Variants in CDC42EP4 observed in about 807,000 individuals in gnomAD.
CDC42EP4 encodes CDC42 effector protein 4.
A neutral mutation model predicts 5.6 loss-of-function variants in CDC42EP4; 6 were observed. That is an observed-to-expected ratio of 1.07 (90% CI 0.59 to 2.12). The LOEUF is 2.12. Ranked by LOEUF, CDC42EP4 falls within the 30% of genes most tolerant of loss-of-function variation. CDC42EP4 has a pLI of 0.00. For synonymous variants in CDC42EP4, 230 were observed against 224.2 expected, an observed-to-expected ratio of 1.03 and a Z score of -0.23; for missense variants, 490 against 508.6, an observed-to-expected ratio of 0.96 and a Z score of 0.35.
chr17:73,286,193 A>G lies in CDC42EP4; in HGVS notation c.308T>C (p.Leu103Pro), dbSNP rs751455735. The G allele has an allele frequency of 3.1e-6, 5 of 1,614,118 alleles. No homozygotes were observed. The highest frequency in any genetic ancestry group is 3.4e-6 in the Non-Finnish European group (4 of 1,180,014). The change falls in exon 2 of 2, where the codon CTG becomes CCG. Residue 103 changes from leucine (L) to proline (P), a missense_variant. Physicochemically the swap from Leu to Pro is moderately conservative, Grantham distance 98. Coordinates refer to ENST00000335793, the MANE Select transcript of CDC42EP4 (RefSeq NM_012121.5). The surrounding 1 kb of genome is among the most constrained non-coding windows in gnomAD (Gnocchi z 7.7). ...CAGGGCCGAGTCCCGCAGGGAGCCCAGCATGTCACGCTGCTCCCGCTCCCC... is the reference window on the plus strand; with the variant it reads ...CAGGGCCGAGTCCCGCAGGGAGCCCGGCATGTCACGCTGCTCCCGCTCCCC... ...TRGEREQRDM[L>P]GSLRDSALFV...
intron 1 of CDC42EP4, among the ~76,000 whole-genome samples, chr17:73,292,890 G>A (rs992430466): frequency 3.9e-5 from 6 of 152,198 alleles, no homozygotes; most frequent in Non-Finnish European, 5.9e-5. Context: ...GTTAATTTTT[G>A]AATTTTTTGG....
chr17:73,296,229 C>CAAA (rs10562107), intron 1 of CDC42EP4, among the ~76,000 whole-genome samples: 5 of 138,514 alleles, frequency 3.6e-5, no homozygotes, highest in Non-Finnish European at 6.1e-5. Flanking sequence ...ACTAAAAATA[C>CAAA]AAAAAAAAAA....
intron 1 of CDC42EP4, among the ~76,000 whole-genome samples, chr17:73,289,806 GA>G (rs1365608568): frequency 3.0e-5 from 4 of 134,314 alleles, no homozygotes; most frequent in Non-Finnish European, 6.4e-5. Flanking sequence ...AAGAAAAAAA[GA>G]AAGAGAGAAA....
intron 1 of CDC42EP4, among the ~76,000 whole-genome samples, chr17:73,297,336 T>C (rs1465242331): frequency 7.0e-6 from 1 of 142,784 alleles, no homozygotes; most frequent in Non-Finnish European, 1.5e-5. Flanking sequence ...TAGCCAGGTG[T>C]TGTGGCGCGT....
At chr17:73,293,296 G>A (rs766701007) in intron 1 of CDC42EP4, among the ~76,000 whole-genome samples, 5 of 152,214 alleles carry the variant, frequency 3.3e-5, no homozygotes, top group Admixed American at 6.5e-5. Flanking sequence ...TCAGTCAGGA[G>A]GCTGTTGCAG....
chr17:73,286,714 C>T lies in CDC42EP4; in HGVS notation c.-112-102G>A, dbSNP rs1382258272. On this transcript the variant is annotated intron_variant, in intron 1 of 1. Coordinates refer to ENST00000335793, the MANE Select transcript of CDC42EP4 (RefSeq NM_012121.5). The surrounding 1 kb of genome is among the most constrained non-coding windows in gnomAD (Gnocchi z 7.7). ...GTCATTTAAACCCCAGCGCTCCTAC[C>T]AAAGTTAAATGCTGTGAAATAAGCC... is the stretch of plus-strand genomic sequence containing the variant. The T allele has an allele frequency of 8.9e-6, 5 of 564,762 alleles. No homozygotes were observed. Among genetic ancestry groups the T allele is most frequent in the Non-Finnish European group, 1.6e-5 (5 of 318,422 alleles). 35.0% of individuals were successfully genotyped at this position (564,762 alleles called of 1,614,324 possible).
At position 73,286,726 on chromosome 17, in the gene CDC42EP4, C is replaced by A; in HGVS notation, c.-112-114G>T. The A allele has an allele frequency of 1.8e-6, 1 of 551,964 alleles. No homozygotes were observed. Among genetic ancestry groups the A allele is most frequent in the South Asian group, 2.7e-5 (1 of 37,434 alleles). The allele number at this position is 551,964 out of a possible 1,614,324, so 34.2% of individuals were successfully genotyped here. On this transcript the variant is annotated intron_variant, in intron 1 of 1. Transcript: ENST00000335793. This position sits in a 1 kb window ranked among gnomAD's most constrained non-coding sequence, Gnocchi z 7.7. ...CCAGCGCTCCTACCAAAGTTAAATGCTGTGAAATAAGCCAGCAATCCATGG... is the reference window on the plus strand; with the variant it reads ...CCAGCGCTCCTACCAAAGTTAAATGATGTGAAATAAGCCAGCAATCCATGG...
intron 1 of CDC42EP4, among the ~76,000 whole-genome samples, chr17:73,293,396 A>G (rs1408428683): frequency 1.3e-5 from 2 of 152,150 alleles, no homozygotes; most frequent in Non-Finnish European, 2.9e-5. Flanking sequence ...TTGGAGGTAG[A>G]GACACCCGGG....
intron 1 of CDC42EP4, among the ~76,000 whole-genome samples, chr17:73,304,277 CTT>C (rs3064764): frequency 5.9e-5 from 8 of 135,934 alleles, no homozygotes; most frequent in Admixed American, 2.2e-4. Context: ...TCTTCTTCTT[CTT>C]TTTTTTTTTT....
At chr17:73,296,940 C>T (rs1386573018) in intron 1 of CDC42EP4, among the ~76,000 whole-genome samples, 9 of 129,028 alleles carry the variant, frequency 7.0e-5, no homozygotes, top group Admixed American at 9.4e-5. Context: ...GAGATAGCGC[C>T]ACTGCAGTCT....
At position 73,287,736 on chromosome 17, in the gene CDC42EP4, GCA is replaced by G. The variant is rs1415834208; in HGVS notation, c.-112-1126_-112-1125del. Among the ~76,000 whole-genome samples, 10 of 152,230 alleles carry G rather than the reference GCA, an allele frequency of 6.6e-5. No homozygotes were observed. In the East Asian group the frequency reaches 1.9e-3, roughly 29 times the overall value. On this transcript the variant is annotated intron_variant, in intron 1 of 1. Transcript: ENST00000335793. ...TGCCTGCCTCCCAGTCCAGCCAGCA[GCA>G]CAGTTCTGAGAGGCACCCCCAGTCC...
intron 1 of CDC42EP4, among the ~76,000 whole-genome samples, chr17:73,295,023 G>T (rs1439442932): frequency 3.3e-5 from 5 of 152,064 alleles, no homozygotes; most frequent in African/African-American, 1.2e-4. Flanking sequence ...TGTTGGCCAA[G>T]TTGGTCTCAA....
At chr17:73,306,165 A>T (rs529137637) in intron 1 of CDC42EP4, among the ~76,000 whole-genome samples, 45 of 152,166 alleles carry the variant, frequency 3.0e-4, no homozygotes, top group African/African-American at 1.1e-3. Context: ...GTAACTCAGG[A>T]ATTTGCCAGA....
At chr17:73,304,816 C>T (rs76767423) in intron 1 of CDC42EP4, among the ~76,000 whole-genome samples, 7,436 of 152,172 alleles carry the variant, frequency 0.049, 256 homozygotes, top group East Asian at 0.077. Flanking sequence ...CACCTCATTC[C>T]CCACCACTCC....
At position 73,285,454 on chromosome 17, in the gene CDC42EP4, C is replaced by T; in HGVS notation, c.1047G>A (p.Glu349=). The T allele has an allele frequency of 6.4e-7, 1 of 1,565,322 alleles. No individual in the cohort carries two copies. The highest frequency in any genetic ancestry group is 8.7e-7 in the Non-Finnish European group (1 of 1,150,810). The change falls in exon 2 of 2, where the codon GAG becomes GAA. Residue 349 remains glutamate, a synonymous_variant. Transcript: ENST00000335793. This position sits in a 1 kb window ranked among gnomAD's most constrained non-coding sequence, Gnocchi z 6.8. ...PDKEFSFMDE[E]EEDEIRV ...CTCACACACGGATTTCATCCTCCTC[C>T]TCCTCATCCATGAAGGAGAACTCCT...
intron 1 of CDC42EP4, among the ~76,000 whole-genome samples, chr17:73,302,809 G>A (rs1426940736): frequency 1.3e-5 from 2 of 151,998 alleles, no homozygotes; most frequent in African/African-American, 2.4e-5. Context: ...TTGGGAGGCC[G>A]AGGCGGGCGG....
At position 73,284,351 on chromosome 17, in the gene CDC42EP4, T is replaced by C. The variant is rs2062117904; in HGVS notation, c.*1079A>G. 1 of 152,080 alleles carries C rather than the reference T, an allele frequency of 6.6e-6. No homozygotes were observed. The highest frequency in any genetic ancestry group is 6.6e-5 in the Admixed American group (1 of 15,266). 9.4% of individuals were successfully genotyped at this position (152,080 alleles called of 1,614,324 possible). A position where few individuals can be genotyped will look rare whatever the true frequency, so the allele number is the denominator to read the frequency against. The stretch of plus-strand genomic sequence containing the variant: ...GCTTTCCCCCCATAGGAATGATATA[T>C]TATTTAAAAAAAAAATCGTTCTCCA... On this transcript the variant is annotated 3_prime_UTR_variant, in exon 2 of 2. Transcript: ENST00000335793.
intron 1 of CDC42EP4, chr17:73,311,210 A>T (rs1482087076): frequency 6.6e-6 from 1 of 151,894 alleles, no homozygotes; most frequent in South Asian, 2.1e-4. Flanking sequence ...GCGGGGCGGG[A>T]GCCTGGCGGG....
chr17:73,309,573 AAG>A (rs1486470982), intron 1 of CDC42EP4, among the ~76,000 whole-genome samples: 1 of 151,998 alleles, frequency 6.6e-6, no homozygotes. Context: ...GGGCAAGGGA[AAG>A]AGAGAAACGA....
Sources: gnomAD v4.1 joint callset for allele counts (sites outside exome capture counted in the v4.1 genomes callset) on GRCh38, gnomAD v4.1.1 for gene constraint, Gnocchi (gnomAD v3.1) non-coding constraint, MANE v1.5 for transcripts, NCBI Gene and HGNC (gene_info 2026-07-23, HGNC 2026-07-21) for gene names.